RAB37: variants seen among roughly 807,000 people sequenced by gnomAD.
The protein encoded by RAB37 is RAB37, member RAS oncogene family, also known as ras-related protein Rab-37.
Under a neutral mutation model 33.1 loss-of-function variants are expected in RAB37, and 29 were observed. The ratio of observed to expected loss-of-function variants is 0.88; its 90% CI spans 0.65 to 1.20. The LOEUF (loss-of-function observed/expected upper bound fraction) is 1.20, where lower values mean the gene tolerates loss of function less well. Among genes scored for constraint, RAB37 ranks in the 50% most tolerant of loss-of-function variants. The pLI, the probability that RAB37 is intolerant of heterozygous loss-of-function variation, is 0.00. For synonymous variants in RAB37, 128 were observed against 119.5 expected, an observed-to-expected ratio of 1.07 and a Z score of -0.47; for missense variants, 299 against 301.1, an observed-to-expected ratio of 0.99 and a Z score of 0.05.
chr17:74,724,126 C>T (rs1465316888), intron 1 of RAB37, among the ~76,000 whole-genome samples: 4 of 152,208 alleles, frequency 2.6e-5, no homozygotes, highest in East Asian at 1.9e-4. Flanking sequence ...GCCCATGACA[C>T]AGCCTCAGGA....
intron 1 of RAB37, among the ~76,000 whole-genome samples, chr17:74,719,638 C>T (rs367827321): frequency 5.3e-5 from 8 of 152,004 alleles, no homozygotes; most frequent in African/African-American, 1.9e-4. Flanking sequence ...CTGCCTCAGC[C>T]TCCCCAATAG....
In RAB37 at chr17:74,717,486, T is replaced by C. The variant is rs575015062; in HGVS notation, c.73-11770T>C. Among the ~76,000 whole-genome samples the C allele has an allele frequency of 5.1e-4, 77 of 152,258 alleles. 1 individual carries two copies. The highest frequency in any genetic ancestry group is 1.8e-3 in the African/African-American group (76 of 41,544). ...ACTAGGTCAGGAGAGTAACTAGGTC[T>C]CCTGAATGGGATTAGTGCCCTTATA... On this transcript the variant is annotated intron_variant, in intron 1 of 7. Transcript: ENST00000340415.
At chr17:74,725,480 C>T (rs1243282189) in intron 1 of RAB37, among the ~76,000 whole-genome samples, 1 of 152,100 alleles carries the variant, frequency 6.6e-6, no homozygotes, top group Non-Finnish European at 1.5e-5. Flanking sequence ...GTGGACACCT[C>T]GCTTCATGGG....
In RAB37 at chr17:74,747,169, G is replaced by A. The variant is rs1001688878; in HGVS notation, c.*1758G>A. On this transcript the variant is annotated 3_prime_UTR_variant, in exon 9 of 9. Coordinates refer to ENST00000392613, the MANE Select transcript of RAB37 (RefSeq NM_001006638.3). The stretch of plus-strand genomic sequence containing the variant: ...CAGTCAGCGGCTCCAGTTTGGGCCC[G>A]ATAAGGAAGTTCTCCGTGGCCTCCC... 6.6e-6 allele frequency: 1 copy of A among 152,194 alleles called. No individual in the cohort carries two copies. The highest frequency in any genetic ancestry group is 1.5e-5 in the Non-Finnish European group (1 of 68,058). 9.4% of individuals were successfully genotyped at this position (152,194 alleles called of 1,614,324 possible).
At chr17:74,708,976 G>A (rs2033755239) in intron 1 of RAB37, among the ~76,000 whole-genome samples, 1 of 151,146 alleles carries the variant, frequency 6.6e-6, no homozygotes, top group Non-Finnish European at 1.5e-5. Flanking sequence ...TGCAATCCCA[G>A]CACTTTGGGA....
At chr17:74,732,207 C>T (rs150510053) in intron 2 of RAB37, among the ~76,000 whole-genome samples, 294 of 152,326 alleles carry the variant, frequency 1.9e-3, no homozygotes, top group African/African-American at 5.9e-3. Flanking sequence ...ATCTGAAATG[C>T]AAATTCTAAG....
rs924116642 is a variant in RAB37 at position 74,676,553 on chromosome 17, C to T, written c.72+4895C>T. Among the ~76,000 whole-genome samples, 1 of 152,212 alleles carries T rather than the reference C, an allele frequency of 6.6e-6. No homozygotes were observed. The highest frequency in any genetic ancestry group is 2.4e-5 in the African/African-American group (1 of 41,454). ...TATTCTTCACTTCCTTCTTCTATTA[C>T]CCATCTTGTAATTTCTGTGTCCCTC... is the stretch of plus-strand genomic sequence containing the variant. On this transcript the variant is annotated intron_variant, in intron 1 of 7. Transcript: ENST00000340415. This position sits in a 1 kb window ranked among gnomAD's most constrained non-coding sequence, Gnocchi z 4.1.
chr17:74,744,196 C>G lies in RAB37; in HGVS notation c.367-112C>G. Reference sequence around the variant, plus strand: ...GAACAAAGGTACAGATGAGAGAACGCACAGGGTATCGTGTTCAAGGTAGTG... The same window carrying G: ...GAACAAAGGTACAGATGAGAGAACGGACAGGGTATCGTGTTCAAGGTAGTG... On this transcript the variant is annotated intron_variant, in intron 5 of 8. Transcript: ENST00000392613. This position sits in a 1 kb window ranked among gnomAD's most constrained non-coding sequence, Gnocchi z 4.2. 1 of 1,040,296 alleles carries G rather than the reference C, an allele frequency of 9.6e-7. No individual in the cohort carries two copies. The highest frequency in any genetic ancestry group is 3.1e-4 in the Middle Eastern group (1 of 3,226). 64.4% of individuals were successfully genotyped at this position (1,040,296 alleles called of 1,614,324 possible).
intron 1 of RAB37, among the ~76,000 whole-genome samples, chr17:74,715,881 T>G (rs893892035): frequency 6.6e-6 from 1 of 152,036 alleles, no homozygotes; most frequent in Non-Finnish European, 1.5e-5. Context: ...ATACAAAAAA[T>G]TAGCCGGGCA....
At chr17:74,731,560 G>A (rs543559542) in intron 2 of RAB37, among the ~76,000 whole-genome samples, 6 of 152,310 alleles carry the variant, frequency 3.9e-5, no homozygotes, top group African/African-American at 9.6e-5. Context: ...TGTGGGGGTC[G>A]TGCTGATGGG....
Position 74,729,165 on chromosome 17 carries a change from T to TA in RAB37, c.73-90dup. The stretch of plus-strand genomic sequence containing the variant: ...TGTGCATGTTGTGCACATGCGTGCT[T>TA]AGAAAGAATCCACTCCCACAGCCAC... On this transcript the variant is annotated intron_variant, in intron 1 of 7. Coordinates refer to the RAB37 transcript ENST00000340415. The surrounding 1 kb of genome is among the most constrained non-coding windows in gnomAD (Gnocchi z 4.2). The TA allele has an allele frequency of 1.2e-6, 1 of 845,226 alleles. No individual in the cohort carries two copies. Among genetic ancestry groups the TA allele is most frequent in the South Asian group, 1.3e-5 (1 of 75,450 alleles). The allele number at this position is 845,226 out of a possible 1,614,324, so 52.4% of individuals were successfully genotyped here. A position where few individuals can be genotyped will look rare whatever the true frequency, so the allele number is the denominator to read the frequency against.
rs367935252 is a variant in RAB37 at position 74,745,002 on chromosome 17, G to A, written c.490-6G>A. On this transcript the variant is annotated splice_polypyrimidine_tract_variant and splice_region_variant and intron_variant, in intron 7 of 8. Transcript: ENST00000392613. The surrounding 1 kb of genome is among the most constrained non-coding windows in gnomAD (Gnocchi z 4.5). ...GCTGGCCCTGAGGACACTCTCTCCC[G>A]GGCAGGAGTACGGTGTTCCCTTCCT... 5.6e-6 allele frequency: 9 copies of A among 1,614,122 alleles called. No individual in the cohort carries two copies. The highest frequency in any genetic ancestry group is 2.2e-5 in the East Asian group (1 of 44,902).
At position 74,742,277 on chromosome 17, in the gene RAB37, C is replaced by A. The variant is rs777211914; in HGVS notation, c.228C>A (p.Gly76=). The change falls in exon 3 of 9, where the codon GGC becomes GGA. Residue 76 remains glycine, a synonymous_variant. Coordinates refer to ENST00000392613, the MANE Select transcript of RAB37 (RefSeq NM_001006638.3). The surrounding 1 kb of genome is among the most constrained non-coding windows in gnomAD (Gnocchi z 4.0). ...AGAACAAGGTGGTGACTGTGGATGG[C>A]GTGAGAGTGAAGCTGCAGGTGAGAC... is the stretch of plus-strand genomic sequence containing the variant. The part of the protein sequence containing the change: ...DFRNKVVTVD[G]VRVKLQIWDT... 3 of 1,612,968 alleles carry A rather than the reference C, an allele frequency of 1.9e-6. No homozygotes were observed. Among genetic ancestry groups the A allele is most frequent in the African/African-American group, 2.7e-5 (2 of 74,860 alleles).
intron 1 of RAB37, among the ~76,000 whole-genome samples, chr17:74,680,554 G>GCTACACTATAGGCA (rs2031932914): frequency 6.6e-6 from 1 of 152,120 alleles, no homozygotes; most frequent in African/African-American, 2.4e-5. Context: ...TTGGTAGCTG[G>GCTACACTATAGGCA]CTACACTATA....
intron 1 of RAB37, chr17:74,712,811 C>G (rs751396558): frequency 1.9e-6 from 3 of 1,613,974 alleles, no homozygotes; most frequent in South Asian, 1.1e-5. Context: ...AAGACAGACC[C>G]AGGCCCGCTC....
intron 1 of RAB37, among the ~76,000 whole-genome samples, chr17:74,690,010 G>T (rs1225961513): frequency 6.6e-6 from 1 of 152,096 alleles, no homozygotes; most frequent in African/African-American, 2.4e-5. Context: ...GGTGTGCAGT[G>T]GTACCATCTC....
rs559310603 is a variant in RAB37 at position 74,728,391 on chromosome 17, CTGTGTGCATG to C, written c.73-858_73-849del. Reference sequence around the variant, plus strand: ...TAGATGTTTTTGTGTGTATGTGTATCTGTGTGCATGTGTGTGTTCTTTCTATGTGTGCATG... The same window carrying C: ...TAGATGTTTTTGTGTGTATGTGTATCTGTGTGTTCTTTCTATGTGTGCATG... On this transcript the variant is annotated intron_variant, in intron 1 of 7. Transcript: ENST00000340415. Among the ~76,000 whole-genome samples the C allele has an allele frequency of 1.6e-3, 236 of 150,444 alleles. 1 individual carries two copies. In the East Asian group the frequency reaches 0.021, roughly 14 times the overall value.
intron 1 of RAB37, chr17:74,704,663 A>G: frequency 6.2e-7 from 1 of 1,614,168 alleles, no homozygotes; most frequent in Non-Finnish European, 8.5e-7. Flanking sequence ...ACTGGTTTTA[A>G]CAAGGATCTT....
chr17:74,695,617 C>G (rs1474585351), intron 1 of RAB37: 2 of 1,507,258 alleles, frequency 1.3e-6, no homozygotes, highest in African/African-American at 2.7e-5. Flanking sequence ...CCACACCTGC[C>G]TCCTCTATGC....
Sources: gnomAD v4.1 joint callset for allele counts (sites outside exome capture counted in the v4.1 genomes callset) on GRCh38, gnomAD v4.1.1 for gene constraint, Gnocchi (gnomAD v3.1) non-coding constraint, MANE v1.5 for transcripts, NCBI Gene and HGNC (gene_info 2026-07-23, HGNC 2026-07-21) for gene names.